The following TTYH2 variants were observed in gnomAD, a reference collection of about 807,000 sequenced individuals.
TTYH2 encodes the protein tweety family member 2, also known as protein tweety homolog 2.
In TTYH2, 49 loss-of-function variants were observed where a neutral mutation model predicts 68.3. The ratio of observed to expected loss-of-function variants is 0.72; its 90% CI spans 0.57 to 0.91. TTYH2 has a LOEUF of 0.91. Ranked by LOEUF, TTYH2 falls within the 40% of genes least tolerant of loss-of-function variation. The pLI is 0.00. For synonymous variants in TTYH2, 272 were observed against 300.8 expected (o/e 0.90, Z 0.99); for missense variants, 631 against 700.4 (o/e 0.90, Z 1.12).
intron 2 of TTYH2, among the ~76,000 whole-genome samples, chr17:74,230,057 G>T (rs568967862): frequency 6.6e-6 from 1 of 152,258 alleles, no homozygotes. Flanking sequence ...CTTAAACCCA[G>T]GAGTCGGGGG....
chr17:74,216,238 AT>A (rs769983444), intron 1 of TTYH2, among the ~76,000 whole-genome samples: 9 of 152,120 alleles, frequency 5.9e-5, no homozygotes, highest in Non-Finnish European at 1.3e-4. Flanking sequence ...ACAGACTCTG[AT>A]TGGGGGAGAC....
In TTYH2 at chr17:74,260,310, C is replaced by T. The variant is rs191801504; in HGVS notation, c.*101C>T. 9.4e-5 allele frequency: 116 copies of T among 1,234,196 alleles called. No individual in the cohort carries two copies. In the East Asian group the frequency reaches 1.9e-3, roughly 20 times the overall value. The allele number at this position is 1,234,196 out of a possible 1,614,324, so 76.5% of individuals were successfully genotyped here. A position where few individuals can be genotyped will look rare whatever the true frequency, so the allele number is the denominator to read the frequency against. On this transcript the variant is annotated 3_prime_UTR_variant, in exon 14 of 14. Transcript: ENST00000269346. ...ATAGAAACCAAAGGCATCTGGAGCCCGAGAGGCCTCCTGCTGTGGCAGAGG... is the reference window on the plus strand; with the variant it reads ...ATAGAAACCAAAGGCATCTGGAGCCTGAGAGGCCTCCTGCTGTGGCAGAGG...
rs2050215883 is a variant in TTYH2, at chr17:74,215,702, T to C, written c.129+1986T>C. On this transcript the variant is annotated intron_variant, in intron 1 of 13. Coordinates refer to ENST00000269346, the MANE Select transcript of TTYH2 (RefSeq NM_032646.6). The surrounding 1 kb of genome is among the most constrained non-coding windows in gnomAD (Gnocchi z 4.3). The stretch of plus-strand genomic sequence containing the variant: ...GGCTCTGGGTGTTATTTAAGGTGGC[T>C]CCTGTTTTTGGTAAGTTCCCCTGTT... 6.5e-7 allele frequency: 1 copy of C among 1,533,402 alleles called. No individual in the cohort carries two copies. The highest frequency in any genetic ancestry group is 1.4e-5 in the African/African-American group (1 of 70,946). The allele number at this position is 1,533,402 out of a possible 1,614,324, so 95.0% of individuals were successfully genotyped here. A position where few individuals can be genotyped will look rare whatever the true frequency, so the allele number is the denominator to read the frequency against.
At chr17:74,228,941 G>A (rs2050359572) in intron 2 of TTYH2, among the ~76,000 whole-genome samples, 1 of 152,196 alleles carries the variant, frequency 6.6e-6, no homozygotes, top group African/African-American at 2.4e-5. Flanking sequence ...GAGAGCATGA[G>A]GTGAGAGGGT....
At position 74,239,164 on chromosome 17, in the gene TTYH2, C is replaced by T. The variant is rs1231228803; in HGVS notation, c.635+1650C>T. On this transcript the variant is annotated intron_variant, in intron 4 of 13. Coordinates refer to ENST00000269346, the MANE Select transcript of TTYH2 (RefSeq NM_032646.6). The surrounding 1 kb of genome is among the most constrained non-coding windows in gnomAD (Gnocchi z 5.3). ...CCAAATCCCAGCCTAGCCAGAGGCA[C>T]TGGACACAATCGGCGGAGCAGGGAC... 6.6e-6 allele frequency among the ~76,000 whole-genome samples: 1 copy of T among 152,240 alleles called. No individual in the cohort carries two copies. The highest frequency in any genetic ancestry group is 1.5e-5 in the Non-Finnish European group (1 of 68,044).
rs942838820 is a variant in TTYH2 at position 74,214,532 on chromosome 17, C to G, written c.129+816C>G. 2.0e-5 allele frequency among the ~76,000 whole-genome samples: 3 copies of G among 152,214 alleles called. No homozygotes were observed. Among genetic ancestry groups the G allele is most frequent in the African/African-American group, 7.2e-5 (3 of 41,466 alleles). ...AGGGCAGTCACTCCCGGCTTCCCCG[C>G]CCTTTCCCTACTCTGCTGACCCTTG... On this transcript the variant is annotated intron_variant, in intron 1 of 13. Coordinates refer to ENST00000269346, the MANE Select transcript of TTYH2 (RefSeq NM_032646.6). This position sits in a 1 kb window ranked among gnomAD's most constrained non-coding sequence, Gnocchi z 4.6.
Position 74,222,750 on chromosome 17 carries a change from C to T in TTYH2, c.302+93C>T. 7.4e-7 allele frequency: 1 copy of T among 1,360,072 alleles called. No individual in the cohort carries two copies. The highest frequency in any genetic ancestry group is 9.7e-7 in the Non-Finnish European group (1 of 1,031,948). The allele number at this position is 1,360,072 out of a possible 1,614,324, so 84.3% of individuals were successfully genotyped here. On this transcript the variant is annotated intron_variant, in intron 2 of 13. Coordinates refer to ENST00000269346, the MANE Select transcript of TTYH2 (RefSeq NM_032646.6). The surrounding 1 kb of genome is among the most constrained non-coding windows in gnomAD (Gnocchi z 5.2). ...CCATGTTCTGACGGAGCTCCAGCTA[C>T]CTTGATGGAAAAGCTTGTCCCCAGA...
intron 2 of TTYH2, among the ~76,000 whole-genome samples, chr17:74,228,298 C>T (rs1200475818): frequency 6.6e-6 from 1 of 152,118 alleles, no homozygotes; most frequent in East Asian, 1.9e-4. Context: ...GTTTCTATCA[C>T]AGTCCTCCAG....
chr17:74,254,458 G>A (rs545814939), intron 13 of TTYH2, among the ~76,000 whole-genome samples: 4 of 152,242 alleles, frequency 2.6e-5, no homozygotes, highest in East Asian at 1.9e-4. Context: ...ATGAGCCACC[G>A]CGCCCGGCCA....
chr17:74,256,814 A>G (rs1227028646), intron 13 of TTYH2: 3 of 152,092 alleles, frequency 2.0e-5, no homozygotes, highest in Non-Finnish European at 4.4e-5. Flanking sequence ...ACACCCAGCT[A>G]ATCTTTGCAT....
At chr17:74,238,651 G>C (rs1332154837) in intron 4 of TTYH2, among the ~76,000 whole-genome samples, 2 of 152,096 alleles carry the variant, frequency 1.3e-5, no homozygotes, top group African/African-American at 4.8e-5. Flanking sequence ...CAGATCGCCT[G>C]AGGTCGGGAG....
rs542281333 is a variant in TTYH2 at position 74,252,498 on chromosome 17, C to T, written c.1259+122C>T. The T allele has an allele frequency of 2.1e-4, 257 of 1,249,712 alleles. 3 individuals are homozygous for T. In the East Asian group the frequency reaches 4.2e-3, roughly 21 times the overall value. The allele number at this position is 1,249,712 out of a possible 1,614,324, so 77.4% of individuals were successfully genotyped here. A position where few individuals can be genotyped will look rare whatever the true frequency, so the allele number is the denominator to read the frequency against. ...GGACTGAGGAGGGCAGCAGAGGGCC[C>T]GGGCATTCAGCCCAACAGGCTGGCT... On this transcript the variant is annotated intron_variant, in intron 11 of 13. Coordinates refer to ENST00000269346, the MANE Select transcript of TTYH2 (RefSeq NM_032646.6).
Position 74,252,270 on chromosome 17 carries a change from G to T in TTYH2, c.1153G>T (p.Gly385Cys). ...LDALAGICYDGLQGLLYLGLF... is the reference protein window; with the variant it reads ...LDALAGICYDCLQGLLYLGLF... ...CGCTCTTGCTGGCATCTGCTACGAC[G>T]GCCTCCAGGGCTTGCTGTACCTTGG... Residue 385 changes from glycine to cysteine, a missense_variant, in exon 11 of 14, where the codon GGC becomes TGC. By Grantham distance (159) the Gly-to-Cys change is radical (BLOSUM62 -3). Transcript: ENST00000269346. The T allele has an allele frequency of 6.2e-7, 1 of 1,613,566 alleles. No homozygotes were observed. Among genetic ancestry groups the T allele is most frequent in the Non-Finnish European group, 8.5e-7 (1 of 1,180,032 alleles).
intron 5 of TTYH2, 24 bp downstream of exon 5, chr17:74,243,493 T>C: frequency 6.2e-7 from 1 of 1,609,542 alleles, no homozygotes; most frequent in Non-Finnish European, 8.5e-7. Context: ...CCCGTGGACC[T>C]GGGACAAAGA....
chr17:74,243,830 T>G, intron 5 of TTYH2, 147 bp from the exon 6 acceptor site: 1 of 722,988 alleles, frequency 1.4e-6, no homozygotes, highest in Non-Finnish European at 2.3e-6. Context: ...CCATGGTCCT[T>G]TCCTAGTAGT....
At chr17:74,223,596 A>G (rs1290484609) in intron 2 of TTYH2, among the ~76,000 whole-genome samples, 2 of 151,816 alleles carry the variant, frequency 1.3e-5, no homozygotes, top group Admixed American at 6.6e-5. Flanking sequence ...CTGCCTGGCC[A>G]CTCCACCCCA....
At chr17:74,229,189 A>G (rs1373579094) in intron 2 of TTYH2, among the ~76,000 whole-genome samples, 1 of 152,128 alleles carries the variant, frequency 6.6e-6, no homozygotes, top group Non-Finnish European at 1.5e-5. Context: ...GAGAGTCCAC[A>G]ATTCCTGGAG....
At chr17:74,227,569 C>G (rs375740890) in intron 2 of TTYH2, among the ~76,000 whole-genome samples, 1 of 152,126 alleles carries the variant, frequency 6.6e-6, no homozygotes, top group African/African-American at 2.4e-5. Flanking sequence ...CTTGGTGAAG[C>G]TCCTCCCCTC....
rs954248242 is a variant in TTYH2, at chr17:74,232,508, G to A, written c.414+1509G>A. ...GAGCTGGGGCGGCTGGGTTGGAGGA[G>A]CTGAGGGACAGCCAGCTCAGGCCTG... On this transcript the variant is annotated intron_variant, in intron 3 of 13. Transcript: ENST00000269346. This position sits in a 1 kb window ranked among gnomAD's most constrained non-coding sequence, Gnocchi z 5.1. Among the ~76,000 whole-genome samples, 3 of 152,236 alleles carry A rather than the reference G, an allele frequency of 2.0e-5. No homozygotes were observed. The highest frequency in any genetic ancestry group is 4.4e-5 in the Non-Finnish European group (3 of 68,044).
Sources: gnomAD v4.1 joint callset for allele counts (sites outside exome capture counted in the v4.1 genomes callset) on GRCh38, gnomAD v4.1.1 for gene constraint, Gnocchi (gnomAD v3.1) non-coding constraint, MANE v1.5 for transcripts, NCBI Gene and HGNC (gene_info 2026-07-23, HGNC 2026-07-21) for gene names.